Variants in CAMK1D observed in about 807,000 individuals in gnomAD.
CAMK1D encodes calcium/calmodulin-dependent protein kinase type 1D.
Under a neutral mutation model 47.7 loss-of-function variants are expected in CAMK1D, and 9 were observed. The observed-to-expected ratio is 0.19, with a 90% CI of 0.11 to 0.33. The LOEUF is 0.33. Among genes scored for constraint, CAMK1D ranks in the 10% least tolerant of loss-of-function variants. The pLI, the probability that CAMK1D is intolerant of heterozygous loss-of-function variation, is 1.00. For missense variants in CAMK1D, 291 were observed against 488.7 expected, an observed-to-expected ratio of 0.60 and a Z score of 3.81; for synonymous variants, 184 against 184.9, an observed-to-expected ratio of 0.99 and a Z score of 0.04.
At chr10:12,802,995 A>G (rs1168908333) in intron 6 of CAMK1D, among the ~76,000 whole-genome samples, 1 of 152,240 alleles carries the variant, frequency 6.6e-6, no homozygotes, top group Non-Finnish European at 1.5e-5. Flanking sequence ...CTAAAGGTTA[A>G]TATGACCTGG....
In CAMK1D at chr10:12,385,733, A is replaced by C. The variant is rs556670436; in HGVS notation, c.92+35823A>C. On this transcript the variant is annotated intron_variant, in intron 1 of 10. Transcript: ENST00000619168. ...CTGTAATTATACTGAGAACCATTGA[A>C]TTGTACTTTTTTTTTTTTTTTTTTT... Among the ~76,000 whole-genome samples, 15 of 141,108 alleles carry C rather than the reference A, an allele frequency of 1.1e-4. No homozygotes were observed. In the East Asian group the frequency reaches 2.5e-3, roughly 23 times the overall value. The allele number at this position is 141,108 out of a possible 152,430, so 92.6% of individuals were successfully genotyped here.
intron 2 of CAMK1D, among the ~76,000 whole-genome samples, chr10:12,559,744 G>T (rs759858343): frequency 1.3e-5 from 2 of 152,184 alleles, no homozygotes; most frequent in African/African-American, 2.4e-5. Context: ...GCTTCTCAAG[G>T]GTGGCTGAAG....
chr10:12,695,022 C>T (rs984283220), intron 3 of CAMK1D, among the ~76,000 whole-genome samples: 7 of 144,042 alleles, frequency 4.9e-5, no homozygotes, highest in Non-Finnish European at 3.0e-5. Flanking sequence ...ATAAATCTCT[C>T]GATAGATAGA....
At chr10:12,664,341 G>A (rs1588754200) in intron 2 of CAMK1D, among the ~76,000 whole-genome samples, 2 of 152,080 alleles carry the variant, frequency 1.3e-5, no homozygotes, top group African/African-American at 4.8e-5. Context: ...CTGCTATTTG[G>A]GATTGTCCTT....
intron 1 of CAMK1D, among the ~76,000 whole-genome samples, chr10:12,407,520 T>A (rs748518776): frequency 6.6e-6 from 1 of 152,208 alleles, no homozygotes; most frequent in Non-Finnish European, 1.5e-5. Context: ...GTCCCTTCTC[T>A]CCAGCTCCCT....
At chr10:12,554,568 C>G (rs1283320172) in intron 2 of CAMK1D, among the ~76,000 whole-genome samples, 1 of 150,294 alleles carries the variant, frequency 6.7e-6, no homozygotes, top group Non-Finnish European at 1.5e-5. Context: ...CAGGCAGGAT[C>G]TTGCTCTGTT....
chr10:12,414,065 A>T, intron 1 of CAMK1D, among the ~76,000 whole-genome samples: 1 of 152,226 alleles, frequency 6.6e-6, no homozygotes, highest in Middle Eastern at 3.2e-3. Context: ...AGCAACTCTC[A>T]TCCAGTTCCC....
chr10:12,710,172 G>C (rs1326072505), intron 3 of CAMK1D, among the ~76,000 whole-genome samples: 1 of 152,216 alleles, frequency 6.6e-6, no homozygotes, highest in Non-Finnish European at 1.5e-5. Flanking sequence ...GTTACCGTTT[G>C]TAACTATCAG....
At chr10:12,657,200 G>A (rs1564471790) in intron 2 of CAMK1D, among the ~76,000 whole-genome samples, 1 of 152,150 alleles carries the variant, frequency 6.6e-6, no homozygotes, top group Non-Finnish European at 1.5e-5. Context: ...GCCGAGGCAG[G>A]CTGATCACGA....
chr10:12,513,826 G>A (rs983434628), intron 1 of CAMK1D, among the ~76,000 whole-genome samples: 1 of 152,078 alleles, frequency 6.6e-6, no homozygotes, highest in African/African-American at 2.4e-5. Context: ...CAAAAACGAT[G>A]TGATCAGTGT....
chr10:12,690,834 C>T (rs533249718), intron 3 of CAMK1D, among the ~76,000 whole-genome samples: 3 of 152,128 alleles, frequency 2.0e-5, no homozygotes, highest in East Asian at 3.9e-4. Context: ...CTTGTTTTGA[C>T]GATGTTTTTT....
At chr10:12,650,691 G>T (rs1386565570) in intron 2 of CAMK1D, among the ~76,000 whole-genome samples, 2 of 152,176 alleles carry the variant, frequency 1.3e-5, no homozygotes, top group Non-Finnish European at 2.9e-5. Context: ...GCCCCAATCT[G>T]CAGCGCAGCT....
At chr10:12,784,285 C>T (rs1269598975) in intron 5 of CAMK1D, among the ~76,000 whole-genome samples, 1 of 151,314 alleles carries the variant, frequency 6.6e-6, no homozygotes, top group Non-Finnish European at 1.5e-5. Flanking sequence ...GCAACCTCCA[C>T]CTCCCAGGTT....
At chr10:12,402,516 T>TA (rs1839266332) in intron 1 of CAMK1D, among the ~76,000 whole-genome samples, 1 of 152,248 alleles carries the variant, frequency 6.6e-6, no homozygotes, top group African/African-American at 2.4e-5. Flanking sequence ...ATGCCACACT[T>TA]AGTCATTTGG....
At chr10:12,606,914 G>A (rs1588684013) in intron 2 of CAMK1D, among the ~76,000 whole-genome samples, 3 of 151,990 alleles carry the variant, frequency 2.0e-5, no homozygotes, top group African/African-American at 7.2e-5. Flanking sequence ...TGCAACCTCC[G>A]CCTCCTGGGT....
At chr10:12,792,764 C>G (rs1291497488) in intron 6 of CAMK1D, among the ~76,000 whole-genome samples, 1 of 152,192 alleles carries the variant, frequency 6.6e-6, no homozygotes, top group Non-Finnish European at 1.5e-5. Context: ...CTAAAGGACT[C>G]TCGTTTATGG....
chr10:12,631,801 G>A (rs528831467), intron 2 of CAMK1D, among the ~76,000 whole-genome samples: 8 of 151,728 alleles, frequency 5.3e-5, no homozygotes, highest in Admixed American at 2.6e-4. Context: ...AATTCTGATC[G>A]TGTAAGTGCT....
intron 1 of CAMK1D, among the ~76,000 whole-genome samples, chr10:12,388,352 C>T (rs1273686540): frequency 6.6e-6 from 1 of 152,158 alleles, no homozygotes; most frequent in African/African-American, 2.4e-5. Context: ...GTCGAATTCT[C>T]CCCGAATCAA....
chr10:12,424,488 G>A (rs1453674921), intron 1 of CAMK1D, among the ~76,000 whole-genome samples: 10 of 152,008 alleles, frequency 6.6e-5, no homozygotes. Context: ...CACCAAACAT[G>A]CATACTCACC....
Sources: gnomAD v4.1 joint callset for allele counts (sites outside exome capture counted in the v4.1 genomes callset) on GRCh38, gnomAD v4.1.1 for gene constraint, MANE v1.5 for transcripts, NCBI Gene and HGNC (gene_info 2026-07-23, HGNC 2026-07-21) for gene names.